Variants in SLC27A1 observed in about 807,000 individuals in gnomAD.
The protein encoded by SLC27A1 is solute carrier family 27 member 1.
In SLC27A1, 61 loss-of-function variants were observed where a neutral mutation model predicts 62.2. The observed-to-expected ratio is 0.98, with a 90% CI of 0.80 to 1.21. SLC27A1 has a LOEUF of 1.21. SLC27A1 is among the 50% of genes most tolerant of loss of function. The probability of loss-of-function intolerance (pLI) is 0.00; values close to 1 mark genes in which losing one functional copy is unlikely to be tolerated. For synonymous variants in SLC27A1, 435 were observed against 408.6 expected (o/e 1.06, Z -0.78); for missense variants, 903 against 932.1 (o/e 0.97, Z 0.41).
chr19:17,486,840 G>T lies in SLC27A1; in HGVS notation c.445G>T (p.Ala149Ser). The T allele has an allele frequency of 6.3e-7, 1 of 1,588,372 alleles. No individual in the cohort carries two copies. Among genetic ancestry groups the T allele is most frequent in the South Asian group, 1.1e-5 (1 of 89,342 alleles). ...PEFVGLWLGL[A>S]KAGMEAALLN... is the part of the protein sequence containing the mutation. Reference sequence around the variant, plus strand: ...GTTCGTGGGGCTGTGGCTGGGCCTGGCCAAGGCGGGCATGGAGGCCGCGCT... The same window carrying T: ...GTTCGTGGGGCTGTGGCTGGGCCTGTCCAAGGCGGGCATGGAGGCCGCGCT... Residue 149 changes from alanine (A) to serine (S), a missense_variant, in exon 2 of 12, where the codon GCC becomes TCC. Ala to Ser is a moderately conservative substitution (Grantham distance 99, BLOSUM62 1). Transcript: ENST00000252595. The surrounding 1 kb of genome is among the most constrained non-coding windows in gnomAD (Gnocchi z 6.6).
At chr19:17,474,548 C>T (rs143396367) in intron 1 of SLC27A1, among the ~76,000 whole-genome samples, 1 of 152,052 alleles carries the variant, frequency 6.6e-6, no homozygotes, top group African/African-American at 2.4e-5. Context: ...GAAGATGGCC[C>T]CAGGGATCCC....
At chr19:17,496,933 A>G (rs8102234) in intron 6 of SLC27A1, 204,265 of 246,878 alleles carry the variant, frequency 0.83, 86,465 homozygotes, top group Non-Finnish European at 0.89. Flanking sequence ...TAAGGCTGGA[A>G]GATCACTTGA....
At chr19:17,494,754 G>T (rs1300543180) in intron 6 of SLC27A1, among the ~76,000 whole-genome samples, 1 of 151,014 alleles carries the variant, frequency 6.6e-6, no homozygotes, top group Non-Finnish European at 1.5e-5. Context: ...TTCTTGGGCT[G>T]CTTTTTGTTA....
intron 1 of SLC27A1, among the ~76,000 whole-genome samples, chr19:17,484,758 G>T (rs1220524363): frequency 6.6e-6 from 1 of 152,196 alleles, no homozygotes; most frequent in Non-Finnish European, 1.5e-5. Flanking sequence ...ATGAATGACC[G>T]AGAGGATGAA....
chr19:17,490,633 C>A (rs976773602), intron 6 of SLC27A1, among the ~76,000 whole-genome samples: 1 of 152,068 alleles, frequency 6.6e-6, no homozygotes, highest in Non-Finnish European at 1.5e-5. Context: ...ATCCCTCAGA[C>A]GGCATCATGT....
chr19:17,489,060 C>A lies in SLC27A1; in HGVS notation c.939C>A (p.Leu313=), dbSNP rs1473130726. ...QCLIYGLTVV[L]RKKFSASRFW... ...TCATCTATGGGCTGACAGTCGTCCT[C>A]CGCAAGAAATTCTCGGCCAGCCGCT... Residue 313 remains leucine (L), a synonymous_variant, in exon 6 of 12, where the codon CTC becomes CTA. Transcript: ENST00000252595. The A allele has an allele frequency of 2.5e-6, 4 of 1,614,180 alleles. No individual in the cohort carries two copies. The highest frequency in any genetic ancestry group is 3.4e-6 in the Non-Finnish European group (4 of 1,180,032).
At chr19:17,473,382 T>C (rs1157019712) in intron 1 of SLC27A1, among the ~76,000 whole-genome samples, 1 of 152,160 alleles carries the variant, frequency 6.6e-6, no homozygotes, top group African/African-American at 2.4e-5. Context: ...TCCTGGTGTG[T>C]GTATGTTAAG....
At chr19:17,495,195 G>A (rs1036306263) in intron 6 of SLC27A1, among the ~76,000 whole-genome samples, 3 of 151,484 alleles carry the variant, frequency 2.0e-5, no homozygotes, top group South Asian at 2.1e-4. Context: ...GGCTGGTCTC[G>A]AACTTCTGAC....
intron 7 of SLC27A1, chr19:17,498,434 C>G (rs28647421): frequency 0.18 from 27,768 of 154,916 alleles, 3,145 homozygotes; most frequent in Non-Finnish European, 0.25. Flanking sequence ...AAGAACAATG[C>G]TCCTTCCTCA....
At chr19:17,488,827 C>T (rs1372707756) in intron 4 of SLC27A1, 21 bp from the exon 5 acceptor site, 1 of 1,608,718 alleles carries the variant, frequency 6.2e-7, no homozygotes, top group Non-Finnish European at 8.5e-7. Context: ...TCTGCCCTCC[C>T]GGCTCCCCCT....
rs1292719430 is a variant in SLC27A1 at position 17,470,574 on chromosome 19, G to C, written c.34G>C (p.Val12Leu). ...TCCGGGTGCGGGCGCGGCCTCGGTG[G>C]TCTCGCTGGCGCTGTTGTGGCTGCT... ...RAPGAGAASV[V>L]SLALLWLLGL... The change falls in exon 1 of 12, where the codon GTC (valine) becomes CTC (leucine). Residue 12 changes from valine (V) to leucine (L), a missense_variant. Val to Leu is a conservative substitution (Grantham distance 32). Transcript: ENST00000252595. The C allele has an allele frequency of 8.3e-6, 13 of 1,570,390 alleles. No homozygotes were observed. The East Asian group carries it at 3.0e-4, about 36-fold the overall frequency.
chr19:17,491,585 T>C (rs1179396219), intron 6 of SLC27A1, among the ~76,000 whole-genome samples: 6 of 152,200 alleles, frequency 3.9e-5, no homozygotes, highest in Admixed American at 2.6e-4. Context: ...CTTGTAAGAA[T>C]TCTTGGCTGA....
chr19:17,498,362 CTG>C (rs1169304259), intron 7 of SLC27A1: 3 of 152,028 alleles, frequency 2.0e-5, no homozygotes, highest in African/African-American at 7.3e-5. Context: ...GAGTGAGACT[CTG>C]TGTCTCTAAA....
chr19:17,484,597 A>G (rs1267600871), intron 1 of SLC27A1, among the ~76,000 whole-genome samples: 2 of 151,984 alleles, frequency 1.3e-5, no homozygotes, highest in African/African-American at 2.4e-5. Context: ...AAAGTACTGA[A>G]TGAGTGAAGG....
In SLC27A1 at chr19:17,501,372, A is replaced by G. The variant is rs1347206763; in HGVS notation, c.1736A>G (p.Tyr579Cys). Residue 579 changes from tyrosine (Y) to cysteine (C), a missense_variant, in exon 11 of 12, where the codon TAT (tyrosine) becomes TGT (cysteine). Tyr to Cys is a radical substitution (Grantham distance 194). Coordinates refer to ENST00000252595, the MANE Select transcript of SLC27A1 (RefSeq NM_198580.3). ...GAGCTGCAGAAGGTGCTGGCACCCTATGCCCGGCCCATCTTCCTGCGCCTC... is the reference window on the plus strand; with the variant it reads ...GAGCTGCAGAAGGTGCTGGCACCCTGTGCCCGGCCCATCTTCCTGCGCCTC... ...YQELQKVLAP[Y>C]ARPIFLRLLP... The G allele has an allele frequency of 1.9e-6, 3 of 1,613,754 alleles. No homozygotes were observed. Among genetic ancestry groups the G allele is most frequent in the African/African-American group, 2.7e-5 (2 of 74,910 alleles).
chr19:17,472,136 T>C (rs986107349), intron 1 of SLC27A1, among the ~76,000 whole-genome samples: 1 of 152,164 alleles, frequency 6.6e-6, no homozygotes, highest in African/African-American at 2.4e-5. Flanking sequence ...GGCTCACGCC[T>C]GTAATCCCAG....
intron 10 of SLC27A1, 100 bp downstream of exon 10, chr19:17,500,976 T>C: frequency 7.6e-7 from 1 of 1,323,420 alleles, no homozygotes; most frequent in Non-Finnish European, 1.0e-6. Flanking sequence ...GTGCACAACC[T>C]GGACAACTGC....
intron 1 of SLC27A1, among the ~76,000 whole-genome samples, chr19:17,474,110 TTTTG>T (rs1262597794): frequency 1.3e-5 from 2 of 151,850 alleles, no homozygotes; most frequent in African/African-American, 2.4e-5. Flanking sequence ...AGCCAGCAGA[TTTTG>T]TTTATTTTTT....
intron 1 of SLC27A1, among the ~76,000 whole-genome samples, chr19:17,472,900 T>A (rs1385947122): frequency 6.6e-6 from 1 of 151,958 alleles, no homozygotes; most frequent in African/African-American, 2.4e-5. Flanking sequence ...GCTCAAGCAA[T>A]CCTCCCACCT....
Sources: gnomAD v4.1 joint callset for allele counts (sites outside exome capture counted in the v4.1 genomes callset) on GRCh38, gnomAD v4.1.1 for gene constraint, Gnocchi (gnomAD v3.1) non-coding constraint, MANE v1.5 for transcripts, NCBI Gene and HGNC (gene_info 2026-07-23, HGNC 2026-07-21) for gene names.